The following GFPT2 variants were observed in gnomAD, a reference collection of about 807,000 sequenced individuals.
GFPT2 encodes glutamine--fructose-6-phosphate transaminase 2.
A neutral mutation model predicts 85.6 loss-of-function variants in GFPT2; 62 were observed. The ratio of observed to expected loss-of-function variants is 0.72; its 90% CI spans 0.59 to 0.90. GFPT2 has a LOEUF of 0.90. Among genes scored for constraint, GFPT2 ranks in the 40% least tolerant of loss-of-function variants. The pLI, the probability that GFPT2 is intolerant of heterozygous loss-of-function variation, is 0.00. For missense variants in GFPT2, 788 were observed against 893.4 expected (o/e 0.88, Z 1.50); for synonymous variants, 368 against 344.5 (o/e 1.07, Z -0.75).
intron 1 of GFPT2, among the ~76,000 whole-genome samples, chr5:180,349,436 A>G (rs1348499482): frequency 6.6e-6 from 1 of 152,242 alleles, no homozygotes; most frequent in Non-Finnish European, 1.5e-5. Context: ...ATACAAAAAT[A>G]ATCTCTCAAT....
At chr5:180,335,729 T>C in intron 4 of GFPT2, 99 bp downstream of exon 4, 1 of 1,220,552 alleles carries the variant, frequency 8.2e-7, no homozygotes. Context: ...GGCTGAGAAG[T>C]CAGTTAGAGG....
At chr5:180,314,534 A>G (rs3805703) in intron 13 of GFPT2, among the ~76,000 whole-genome samples, 42,041 of 152,078 alleles carry the variant, frequency 0.28, 5,995 homozygotes, top group African/African-American at 0.34. Context: ...GTCCTAAAGC[A>G]CTCAAATTAA....
chr5:180,350,804 C>G (rs574648132), intron 1 of GFPT2, among the ~76,000 whole-genome samples: 9 of 152,312 alleles, frequency 5.9e-5, no homozygotes, highest in African/African-American at 2.2e-4. Flanking sequence ...CAACTACTGC[C>G]GAGTCCTGGC....
chr5:180,329,471 A>G (rs1764268201), intron 6 of GFPT2, among the ~76,000 whole-genome samples: 1 of 152,266 alleles, frequency 6.6e-6, no homozygotes, highest in Non-Finnish European at 1.5e-5. Context: ...CTGAAATTTC[A>G]AAATAAAAAT....
chr5:180,302,878 C>T lies in GFPT2; in HGVS notation c.1843-294G>A, dbSNP rs143499669. Among the ~76,000 whole-genome samples, 380 of 152,236 alleles carry T rather than the reference C, an allele frequency of 2.5e-3. 1 individual carries two copies. Among genetic ancestry groups the T allele is most frequent in the Admixed American group, 3.5e-3 (54 of 15,280 alleles). On this transcript the variant is annotated intron_variant, in intron 17 of 18. Coordinates refer to ENST00000253778, the MANE Select transcript of GFPT2 (RefSeq NM_005110.4). ...GGGGCAGACTCACTCCTAACTCTAG[C>T]GGGGCTCATAGTCTAGTGGTAGAAA... is the stretch of plus-strand genomic sequence containing the variant.
At chr5:180,348,985 C>T (rs1312954609) in intron 1 of GFPT2, among the ~76,000 whole-genome samples, 1 of 151,662 alleles carries the variant, frequency 6.6e-6, no homozygotes, top group South Asian at 2.1e-4. Context: ...CGTGATCCAC[C>T]CACCTCGGCC....
chr5:180,338,418 C>A, intron 2 of GFPT2, 75 bp downstream of exon 2: 1 of 669,924 alleles, frequency 1.5e-6, no homozygotes, highest in Non-Finnish European at 2.6e-6. Context: ...TGTAAACCCC[C>A]CTGCAGTGGA....
chr5:180,315,379 T>C (rs534161334), intron 13 of GFPT2, among the ~76,000 whole-genome samples: 40 of 152,210 alleles, frequency 2.6e-4, no homozygotes, highest in Admixed American at 5.2e-4. Flanking sequence ...GGGGTTTCAC[T>C]GTGTGAGCCA....
chr5:180,320,045 T>G (rs1001692626), intron 9 of GFPT2, among the ~76,000 whole-genome samples: 2 of 152,006 alleles, frequency 1.3e-5, no homozygotes, highest in Non-Finnish European at 2.9e-5. Context: ...CAGGCTGGAG[T>G]GCAGTGGCGC....
intron 1 of GFPT2, among the ~76,000 whole-genome samples, chr5:180,342,477 T>G (rs1232699463): frequency 6.7e-6 from 1 of 149,360 alleles, no homozygotes; most frequent in African/African-American, 2.5e-5. Context: ...TGTTGTGATC[T>G]CGGCTCACTG....
intron 1 of GFPT2, among the ~76,000 whole-genome samples, chr5:180,339,760 C>T (rs1764474595): frequency 6.6e-6 from 1 of 152,256 alleles, no homozygotes; most frequent in Non-Finnish European, 1.5e-5. Context: ...GCTCCTGGCT[C>T]TGGCCACCTC....
At position 180,334,587 on chromosome 5, in the gene GFPT2, A is replaced by G. The variant is rs1764363114; in HGVS notation, c.340+1241T>C. On this transcript the variant is annotated intron_variant, in intron 4 of 18. Transcript: ENST00000253778. ...TAACTGCTCTGATGTATTTGGTCCT[A>G]TCTAACATTAGGCTTGGCACGAACT... Among the ~76,000 whole-genome samples, 4 of 152,222 alleles carry G rather than the reference A, an allele frequency of 2.6e-5. No homozygotes were observed. The South Asian group carries it at 8.3e-4, about 32-fold the overall frequency.
intron 8 of GFPT2, 112 bp from the exon 9 acceptor site, chr5:180,324,417 T>TA (rs1358709462): frequency 1.5e-6 from 1 of 674,426 alleles, no homozygotes; most frequent in African/African-American, 1.8e-5. Flanking sequence ...TTGCAATTTT[T>TA]AGCTTTGGCT....
At chr5:180,313,182 G>A (rs1450993518) in intron 14 of GFPT2, among the ~76,000 whole-genome samples, 4 of 152,130 alleles carry the variant, frequency 2.6e-5, no homozygotes, top group African/African-American at 9.7e-5. Flanking sequence ...TTCCAGGGGG[G>A]AGCCCCGTGC....
At chr5:180,321,504 C>T (rs954464372) in intron 9 of GFPT2, among the ~76,000 whole-genome samples, 2 of 152,210 alleles carry the variant, frequency 1.3e-5, no homozygotes, top group South Asian at 2.1e-4. Context: ...TCTCAGGTTC[C>T]GCCTCTGTAA....
intron 1 of GFPT2, chr5:180,352,578 G>T (rs1015434218): frequency 2.7e-5 from 12 of 449,008 alleles, no homozygotes; most frequent in African/African-American, 2.3e-4. Flanking sequence ...TTCGGGCCGA[G>T]GTTCGGGCAG....
chr5:180,335,980 G>A (rs568983713), intron 3 of GFPT2, 27 bp from the exon 4 acceptor site: 18 of 1,549,972 alleles, frequency 1.2e-5, no homozygotes, highest in Middle Eastern at 1.7e-4. Flanking sequence ...TCAGTTTGCC[G>A]CACTTGAACA....
rs751108405 is a variant in GFPT2 at position 180,316,421 on chromosome 5, A to G, written c.1193T>C (p.Met398Thr). Residue 398 changes from methionine to threonine, a missense_variant, in exon 13 of 19, where the codon ATG becomes ACG. Met to Thr is a moderately conservative substitution (Grantham distance 81). Coordinates refer to ENST00000253778, the MANE Select transcript of GFPT2 (RefSeq NM_005110.4). ...CAGAAAATCACTAGCAAGTTCAACC[A>G]TCACAGGAAGCTCAGTCAGTTCCTC... ...VLEELTELPVMVELASDFLDR... is the reference protein window; with the variant it reads ...VLEELTELPVTVELASDFLDR... 6.2e-7 allele frequency: 1 copy of G among 1,614,016 alleles called. No homozygotes were observed. The highest frequency in any genetic ancestry group is 8.5e-7 in the Non-Finnish European group (1 of 1,179,874).
chr5:180,344,882 C>A (rs191492902), intron 1 of GFPT2, among the ~76,000 whole-genome samples: 2 of 152,326 alleles, frequency 1.3e-5, no homozygotes, highest in East Asian at 1.9e-4. Flanking sequence ...AAGGGGCAAC[C>A]TAAGCACATG....
Sources: gnomAD v4.1 joint callset for allele counts (sites outside exome capture counted in the v4.1 genomes callset) on GRCh38, gnomAD v4.1.1 for gene constraint, MANE v1.5 for transcripts, NCBI Gene and HGNC (gene_info 2026-07-23, HGNC 2026-07-21) for gene names.